The following SCLT1 variants were observed in gnomAD, a reference collection of about 807,000 sequenced individuals.
SCLT1 encodes sodium channel and clathrin linker 1, also known as sodium channel-associated protein 1.
Under a neutral mutation model 112.8 loss-of-function variants are expected in SCLT1, and 78 were observed. That is an observed-to-expected ratio of 0.69 (90% confidence interval 0.58 to 0.83). The LOEUF is 0.83. Ranked by LOEUF, SCLT1 falls within the 40% of genes least tolerant of loss-of-function variation. SCLT1 has a pLI of 0.00. For synonymous variants in SCLT1, 257 were observed against 254.7 expected (o/e 1.01, Z -0.09); for missense variants, 747 against 770.4 (o/e 0.97, Z 0.36).
intron 16 of SCLT1, among the ~76,000 whole-genome samples, chr4:128,944,333 C>T (rs1737959276): frequency 1.3e-5 from 2 of 152,052 alleles, no homozygotes; most frequent in Admixed American, 1.3e-4. Context: ...AGATTGTAAG[C>T]CTCCTAATAG....
chr4:128,978,103 G>A (rs1448580284), intron 9 of SCLT1, among the ~76,000 whole-genome samples: 1 of 152,108 alleles, frequency 6.6e-6, no homozygotes, highest in Non-Finnish European at 1.5e-5. Context: ...AAGATAGAGA[G>A]ACCCTCTACT....
At chr4:129,087,774 A>G (rs1334104645) in intron 1 of SCLT1, among the ~76,000 whole-genome samples, 28 of 141,228 alleles carry the variant, frequency 2.0e-4, no homozygotes, top group African/African-American at 6.6e-4. Context: ...AAAAAAAAAA[A>G]GGAAGAAAAA....
chr4:129,019,810 C>A (rs1241037431), intron 5 of SCLT1, among the ~76,000 whole-genome samples: 2 of 152,094 alleles, frequency 1.3e-5, no homozygotes. Flanking sequence ...GGGATTAATA[C>A]AAAAGATCCT....
rs757914064 is a variant in SCLT1 at position 129,044,063 on chromosome 4, T to C, written c.103-12A>G. 6 of 1,486,014 alleles carry C rather than the reference T, an allele frequency of 4.0e-6. No individual in the cohort carries two copies. The Admixed American group carries it at 1.1e-4, about 27-fold the overall frequency. 92.1% of individuals were successfully genotyped at this position (1,486,014 alleles called of 1,614,324 possible). A position where few individuals can be genotyped will look rare whatever the true frequency, so the allele number is the denominator to read the frequency against. On this transcript the variant is annotated splice_polypyrimidine_tract_variant and intron_variant, in intron 2 of 20. Transcript: ENST00000281142. ...TGGCAGACAGCTTTCTATAAAAGAA[T>C]GTACATCTTAAAATGTGTTCTCACA...
At chr4:129,087,387 A>C (rs1046255581) in intron 1 of SCLT1, among the ~76,000 whole-genome samples, 1 of 152,184 alleles carries the variant, frequency 6.6e-6, no homozygotes, top group Admixed American at 6.6e-5. Context: ...CATTTTATAC[A>C]TACTCTTACA....
chr4:128,877,219 T>C (rs1182336520), intron 3 of SCLT1, among the ~76,000 whole-genome samples: 1 of 152,168 alleles, frequency 6.6e-6, no homozygotes, highest in African/African-American at 2.4e-5. Flanking sequence ...ATTAGTTTAA[T>C]CCTTATAACG....
chr4:128,965,761 T>A (rs1276784478), intron 10 of SCLT1, among the ~76,000 whole-genome samples: 1 of 152,054 alleles, frequency 6.6e-6, no homozygotes, highest in Non-Finnish European at 1.5e-5. Context: ...GTATCAACTT[T>A]CTAAGGAAAT....
chr4:128,953,797 T>C lies in SCLT1; in HGVS notation c.1147-957A>G, dbSNP rs1166254542. Among the ~76,000 whole-genome samples, 4 of 133,004 alleles carry C rather than the reference T, an allele frequency of 3.0e-5. No homozygotes were observed. The East Asian group carries it at 6.6e-4, about 22-fold the overall frequency. 87.3% of individuals were successfully genotyped at this position (133,004 alleles called of 152,430 possible). A position where few individuals can be genotyped will look rare whatever the true frequency, so the allele number is the denominator to read the frequency against. On this transcript the variant is annotated intron_variant, in intron 13 of 20. Coordinates refer to ENST00000281142, the MANE Select transcript of SCLT1 (RefSeq NM_144643.4). ...CTGGGCAACAGAGTGAGACTCCATCTCAAAAAAAAAAAACAAAAAAACAAA... is the reference window on the plus strand; with the variant it reads ...CTGGGCAACAGAGTGAGACTCCATCCCAAAAAAAAAAAACAAAAAAACAAA...
intron 6 of SCLT1, among the ~76,000 whole-genome samples, chr4:129,003,415 T>C (rs1441271672): frequency 2.9e-5 from 4 of 138,406 alleles, no homozygotes; most frequent in Non-Finnish European, 6.2e-5. Flanking sequence ...ACATGTATCC[T>C]AGAACTTAAA....
In SCLT1 at chr4:129,031,268, A is replaced by G. The variant is rs149798477; in HGVS notation, c.290+7773T>C. On this transcript the variant is annotated intron_variant, in intron 5 of 20. Coordinates refer to ENST00000281142, the MANE Select transcript of SCLT1 (RefSeq NM_144643.4). ...CCTTTGATAAAATTCAACATCCTTC[A>G]TGCTAAAAACTCTCAATAAACTAGG... 1.6e-3 allele frequency among the ~76,000 whole-genome samples: 249 copies of G among 152,262 alleles called. 2 individuals carry two copies. Among genetic ancestry groups the G allele is most frequent in the East Asian group, 0.014 (71 of 5,180 alleles).
At chr4:129,020,008 T>C (rs1325980867) in intron 5 of SCLT1, among the ~76,000 whole-genome samples, 1 of 152,176 alleles carries the variant, frequency 6.6e-6, no homozygotes, top group African/African-American at 2.4e-5. Context: ...GTCAATTCCT[T>C]AAGCAGAGAA....
chr4:129,014,733 G>C, intron 5 of SCLT1, among the ~76,000 whole-genome samples: 1 of 152,226 alleles, frequency 6.6e-6, no homozygotes, highest in East Asian at 1.9e-4. Flanking sequence ...CCAATGTGTA[G>C]TGTCAGCCAA....
chr4:128,899,005 C>T (rs1442622789), intron 18 of SCLT1, among the ~76,000 whole-genome samples: 2 of 152,184 alleles, frequency 1.3e-5, no homozygotes, highest in African/African-American at 2.4e-5. Flanking sequence ...AGACCAATAA[C>T]AGGCTCTGAA....
At chr4:128,904,747 T>G (rs1734566231) in intron 18 of SCLT1, among the ~76,000 whole-genome samples, 1 of 152,196 alleles carries the variant, frequency 6.6e-6, no homozygotes, top group Non-Finnish European at 1.5e-5. Flanking sequence ...AACAAAATAT[T>G]TAATCCTAGT....
intron 4 of SCLT1, chr4:129,039,891 T>C (rs1051948699): frequency 4.5e-5 from 12 of 264,088 alleles, no homozygotes; most frequent in South Asian, 8.4e-5. Context: ...ATGGAGAGTG[T>C]GCGCGCGCGC....
At chr4:128,952,398 T>C (rs564151302) in intron 14 of SCLT1, 2 of 462,888 alleles carry the variant, frequency 4.3e-6, no homozygotes, top group African/African-American at 2.0e-5. Context: ...CATTCCTCAG[T>C]ATTCATTTCT....
intron 4 of SCLT1, chr4:128,875,371 T>G (rs1309722845): frequency 6.6e-6 from 1 of 152,540 alleles, no homozygotes; most frequent in Non-Finnish European, 1.5e-5. Flanking sequence ...GAGCACAGAT[T>G]CACTGGGCTG....
intron 9 of SCLT1, among the ~76,000 whole-genome samples, chr4:128,982,231 C>T (rs573129007): frequency 6.6e-6 from 1 of 152,210 alleles, no homozygotes; most frequent in South Asian, 2.1e-4. Flanking sequence ...ACCAGGAGAA[C>T]CCTGAGCTAG....
chr4:129,069,227 T>C (rs1750764656), intron 2 of SCLT1, among the ~76,000 whole-genome samples: 1 of 152,196 alleles, frequency 6.6e-6, no homozygotes, highest in South Asian at 2.1e-4. Context: ...AGATTTGTTC[T>C]TTTTGCTTAG....
Sources: gnomAD v4.1 joint callset for allele counts (sites outside exome capture counted in the v4.1 genomes callset) on GRCh38, gnomAD v4.1.1 for gene constraint, MANE v1.5 for transcripts, NCBI Gene and HGNC (gene_info 2026-07-23, HGNC 2026-07-21) for gene names.